The following DDX10 variants were observed in gnomAD, a reference collection of about 807,000 sequenced individuals.
DDX10 encodes probable ATP-dependent RNA helicase DDX10.
DDX10 carries 74 observed loss-of-function variants against 104.3 expected under a neutral mutation model. That is an observed-to-expected ratio of 0.71 (90% confidence interval 0.59 to 0.86). The LOEUF (loss-of-function observed/expected upper bound fraction) is 0.86, where lower values mean the gene tolerates loss of function less well. Among genes scored for constraint, DDX10 ranks in the 40% least tolerant of loss-of-function variants. The pLI is 0.00. For synonymous variants in DDX10, 351 were observed against 353.4 expected, an observed-to-expected ratio of 0.99 and a Z score of 0.08; for missense variants, 952 against 1,040.0, an observed-to-expected ratio of 0.92 and a Z score of 1.16.
intron 13 of DDX10, among the ~76,000 whole-genome samples, chr11:108,762,407 A>C (rs1281601561): frequency 6.6e-6 from 1 of 152,228 alleles, no homozygotes; most frequent in Non-Finnish European, 1.5e-5. Flanking sequence ...CAGGATAATA[A>C]ATAAATCCTT....
At chr11:108,915,010 G>C (rs547267266) in intron 16 of DDX10, among the ~76,000 whole-genome samples, 7 of 152,066 alleles carry the variant, frequency 4.6e-5, no homozygotes, top group African/African-American at 1.7e-4. Context: ...GAAGAAAAAG[G>C]AACAGAACCT....
intron 13 of DDX10, among the ~76,000 whole-genome samples, chr11:108,799,572 G>A (rs944526711): frequency 1.3e-5 from 2 of 152,188 alleles, no homozygotes; most frequent in Non-Finnish European, 2.9e-5. Context: ...AGATGTGGAA[G>A]AAGTTAATTC....
intron 7 of DDX10, 144 bp from the exon 8 acceptor site, chr11:108,691,732 A>G (rs772127493): frequency 3.9e-4 from 204 of 523,194 alleles, no homozygotes; most frequent in Non-Finnish European, 1.1e-4. Context: ...GTGATTAAAT[A>G]AGAGTTTCTT....
At chr11:108,884,384 A>G (rs1186126980) in intron 16 of DDX10, among the ~76,000 whole-genome samples, 2 of 152,204 alleles carry the variant, frequency 1.3e-5, no homozygotes, top group African/African-American at 2.4e-5. Context: ...CCCAGTCTAC[A>G]TATGGACCAT....
At chr11:108,766,758 C>T (rs2094356862) in intron 13 of DDX10, among the ~76,000 whole-genome samples, 1 of 152,146 alleles carries the variant, frequency 6.6e-6, no homozygotes, top group African/African-American at 2.4e-5. Context: ...ATTTCCTGCA[C>T]CAGTGCCTGG....
intron 16 of DDX10, among the ~76,000 whole-genome samples, chr11:108,906,147 G>A (rs1399063015): frequency 6.6e-6 from 1 of 151,924 alleles, no homozygotes; most frequent in African/African-American, 2.4e-5. Flanking sequence ...ATTAATACCT[G>A]GTTTACCATG....
chr11:108,891,502 G>T (rs1430149480), intron 16 of DDX10, among the ~76,000 whole-genome samples: 3 of 152,088 alleles, frequency 2.0e-5, no homozygotes, highest in Non-Finnish European at 4.4e-5. Flanking sequence ...ACTTTCCATC[G>T]TGGACCTTCT....
rs762349525 is a variant in DDX10 at position 108,940,259 on chromosome 11, A to C, written c.2464A>C (p.Lys822Gln). 2.5e-6 allele frequency: 4 copies of C among 1,613,974 alleles called. No individual in the cohort carries two copies. The highest frequency in any genetic ancestry group is 1.3e-5 in the African/African-American group (1 of 75,042). Residue 822 changes from lysine (K) to glutamine (Q), a missense_variant, in exon 18 of 18, where the codon AAG (lysine) becomes CAG (glutamine). Lys to Gln is a moderately conservative substitution (Grantham distance 53). This residue lies in a region of DDX10 where 533 missense variants were observed against 534.1 expected (regional missense o/e 1.00). Coordinates refer to ENST00000322536, the MANE Select transcript of DDX10 (RefSeq NM_004398.4). ...TCTTCTCACCAGTGATACCAAGAAG[A>C]AGCAGGGGATGAAGAAGAGGAGCAA... is the stretch of plus-strand genomic sequence containing the variant. ...MENKISDTKK[K>Q]QGMKKRSNSE...
intron 13 of DDX10, among the ~76,000 whole-genome samples, chr11:108,802,062 A>G (rs2134558729): frequency 6.6e-6 from 1 of 150,810 alleles, no homozygotes; most frequent in Non-Finnish European, 1.5e-5. Flanking sequence ...GTGGCTGATC[A>G]GGTGGAACCC....
chr11:108,831,541 CT>C (rs1376966643), intron 13 of DDX10, among the ~76,000 whole-genome samples: 1 of 149,348 alleles, frequency 6.7e-6, no homozygotes, highest in Non-Finnish European at 1.5e-5. Flanking sequence ...TGTTGGTTTA[CT>C]TCACTTTTAG....
intron 17 of DDX10, chr11:108,920,589 A>G (rs190934465): frequency 7.2e-5 from 11 of 152,370 alleles, no homozygotes; most frequent in East Asian, 5.8e-4. Flanking sequence ...TGTGATCACA[A>G]TAAAAGTTAG....
chr11:108,748,844 C>A (rs776328788), intron 13 of DDX10, among the ~76,000 whole-genome samples: 1 of 152,054 alleles, frequency 6.6e-6, no homozygotes, highest in Non-Finnish European at 1.5e-5. Flanking sequence ...TCATGCCTGC[C>A]TAATGTTTTT....
At chr11:108,908,535 A>G (rs932526133) in intron 16 of DDX10, among the ~76,000 whole-genome samples, 6 of 152,240 alleles carry the variant, frequency 3.9e-5, no homozygotes, top group African/African-American at 1.4e-4. Context: ...GCTGTATGGC[A>G]TGTAGGAACG....
intron 11 of DDX10, among the ~76,000 whole-genome samples, chr11:108,719,478 C>T (rs1254998126): frequency 6.6e-6 from 1 of 152,056 alleles, no homozygotes; most frequent in African/African-American, 2.4e-5. Context: ...TGAATAGATT[C>T]CAAATCTATA....
At chr11:108,684,144 T>C (rs944135829) in intron 6 of DDX10, among the ~76,000 whole-genome samples, 2 of 138,538 alleles carry the variant, frequency 1.4e-5, no homozygotes, top group African/African-American at 5.2e-5. Context: ...TCCAGTTCTT[T>C]TTTTTTTTTT....
intron 10 of DDX10, among the ~76,000 whole-genome samples, chr11:108,710,285 C>T (rs1490172422): frequency 6.6e-6 from 1 of 152,090 alleles, no homozygotes; most frequent in Non-Finnish European, 1.5e-5. Flanking sequence ...CTTCAGTAAC[C>T]TTAGCTTGCT....
At chr11:108,846,141 T>G (rs924653791) in intron 15 of DDX10, among the ~76,000 whole-genome samples, 1 of 152,206 alleles carries the variant, frequency 6.6e-6, no homozygotes, top group African/African-American at 2.4e-5. Flanking sequence ...TATCTTTAAT[T>G]GACACATAAT....
chr11:108,803,275 A>G lies in DDX10; in HGVS notation c.1966-35171A>G, dbSNP rs1430691781. ...CTAGTAGCAATTTTTTTTTTTTTTT[A>G]AAGAACCTTGGAACCTTTAAGAATC... is the stretch of plus-strand genomic sequence containing the variant. On this transcript the variant is annotated intron_variant, in intron 13 of 17. Transcript: ENST00000322536. 3.4e-5 allele frequency among the ~76,000 whole-genome samples: 4 copies of G among 116,304 alleles called. No homozygotes were observed. The South Asian group carries it at 8.6e-4, about 25-fold the overall frequency. 76.3% of individuals were successfully genotyped at this position (116,304 alleles called of 152,430 possible). A position where few individuals can be genotyped will look rare whatever the true frequency, so the allele number is the denominator to read the frequency against.
chr11:108,755,930 C>A (rs936620281), intron 13 of DDX10, among the ~76,000 whole-genome samples: 1 of 151,760 alleles, frequency 6.6e-6, no homozygotes, highest in African/African-American at 2.4e-5. Flanking sequence ...TAACTTGAGC[C>A]TTTTTCTTTC....
Sources: allele counts gnomAD v4.1 joint callset (sites outside exome capture counted in the v4.1 genomes callset), GRCh38; gene constraint gnomAD v4.1.1; regional missense constraint gnomAD v4.1.1; transcripts MANE v1.5; gene names NCBI Gene and HGNC (gene_info 2026-07-23, HGNC 2026-07-21).